Variants in LIN28A observed in about 807,000 individuals in gnomAD.
LIN28A encodes protein lin-28 homolog A.
In LIN28A, 11 loss-of-function variants were observed where a neutral mutation model predicts 21.1. The ratio of observed to expected loss-of-function variants is 0.52; its 90% CI spans 0.33 to 0.86. The LOEUF is 0.86. Among genes scored for constraint, LIN28A ranks in the 40% least tolerant of loss-of-function variants. The pLI is 0.03. For missense variants in LIN28A, 219 were observed against 279.8 expected (o/e 0.78, Z 1.55); for synonymous variants, 111 against 108.7 (o/e 1.02, Z -0.13).
intron 2 of LIN28A, among the ~76,000 whole-genome samples, chr1:26,421,187 T>A (rs764367070): frequency 6.6e-6 from 1 of 152,232 alleles, no homozygotes; most frequent in Non-Finnish European, 1.5e-5. Context: ...TATTTGGTGA[T>A]CTTTCTCAGC....
intron 2 of LIN28A, among the ~76,000 whole-genome samples, chr1:26,418,551 A>AG (rs1553177806): frequency 2.0e-5 from 3 of 151,666 alleles, no homozygotes; most frequent in Non-Finnish European, 2.9e-5. Flanking sequence ...TTAAAAAAAA[A>AG]AAAAAGAAAA....
intron 2 of LIN28A, among the ~76,000 whole-genome samples, chr1:26,418,934 G>A (rs147723536): frequency 6.6e-5 from 10 of 152,282 alleles, no homozygotes; most frequent in Non-Finnish European, 1.0e-4. Context: ...GGAGGGAGAG[G>A]GAGATGCAAG....
intron 2 of LIN28A, among the ~76,000 whole-genome samples, chr1:26,423,041 TC>T (rs950330356): frequency 3.4e-4 from 52 of 152,056 alleles, no homozygotes; most frequent in African/African-American, 1.1e-3. Flanking sequence ...CAAGTGATGC[TC>T]CCACCTCTGC....
At position 26,427,591 on chromosome 1, in the gene LIN28A, T is replaced by G. The variant is rs1044457499; in HGVS notation, c.*1133T>G. The G allele has an allele frequency of 6.6e-6, 1 of 152,122 alleles. No individual in the cohort carries two copies. The highest frequency in any genetic ancestry group is 2.4e-5 in the African/African-American group (1 of 41,344). 9.4% of individuals were successfully genotyped at this position (152,122 alleles called of 1,614,324 possible). A position where few individuals can be genotyped will look rare whatever the true frequency, so the allele number is the denominator to read the frequency against. On this transcript the variant is annotated 3_prime_UTR_variant, in exon 4 of 4. Transcript: ENST00000326279. ...GGCCAGAGAGCAAGCCAAGATTAGG[T>G]GAGGGTTGTCTAATCCTATGGCACA...
In LIN28A at chr1:26,411,923, G is replaced by A. The variant is rs2074962591; in HGVS notation, c.228+341G>A. On this transcript the variant is annotated intron_variant, in intron 2 of 3. Transcript: ENST00000326279. This position sits in a 1 kb window ranked among gnomAD's most constrained non-coding sequence, Gnocchi z 5.4. ...GTGCTTGCCGGTGGGGGGAGGGCGA[G>A]CAGGCCGGCCAGGGAAGCACATGCC... Among the ~76,000 whole-genome samples the A allele has an allele frequency of 6.6e-6, 1 of 152,118 alleles. No individual in the cohort carries two copies. The highest frequency in any genetic ancestry group is 6.5e-5 in the Admixed American group (1 of 15,272).
Position 26,411,259 on chromosome 1 carries a change from C to T in LIN28A, c.32-127C>T. The T allele has an allele frequency of 1.1e-6, 1 of 932,250 alleles. No individual in the cohort carries two copies. The highest frequency in any genetic ancestry group is 2.7e-5 in the East Asian group (1 of 36,690). The allele number at this position is 932,250 out of a possible 1,614,324, so 57.7% of individuals were successfully genotyped here. On this transcript the variant is annotated intron_variant, in intron 1 of 3. Transcript: ENST00000326279. This position sits in a 1 kb window ranked among gnomAD's most constrained non-coding sequence, Gnocchi z 5.4. Reference sequence around the variant, plus strand: ...GGGATAGGTTTCTTCTCTTCTGTTGCTTGGTAGCTGCCCCCTCCTGGCTGT... The same window carrying T: ...GGGATAGGTTTCTTCTCTTCTGTTGTTTGGTAGCTGCCCCCTCCTGGCTGT...
chr1:26,416,880 A>G (rs2074996741), intron 2 of LIN28A, among the ~76,000 whole-genome samples: 1 of 152,132 alleles, frequency 6.6e-6, no homozygotes, highest in African/African-American at 2.4e-5. Flanking sequence ...TCGGCCTCCC[A>G]AAGTGCTGGA....
At chr1:26,420,994 G>C (rs2075025455) in intron 2 of LIN28A, among the ~76,000 whole-genome samples, 1 of 152,028 alleles carries the variant, frequency 6.6e-6, no homozygotes, top group Non-Finnish European at 1.5e-5. Flanking sequence ...CCCTGGCTTT[G>C]CTACAGAACT....
At chr1:26,413,148 C>A (rs1244239813) in intron 2 of LIN28A, among the ~76,000 whole-genome samples, 2 of 152,100 alleles carry the variant, frequency 1.3e-5, no homozygotes, top group Admixed American at 6.5e-5. Flanking sequence ...AGCAGGGTAG[C>A]AAGCCTCCCC....
At chr1:26,421,419 C>T (rs1244328404) in intron 2 of LIN28A, among the ~76,000 whole-genome samples, 1 of 152,172 alleles carries the variant, frequency 6.6e-6, no homozygotes, top group Non-Finnish European at 1.5e-5. Context: ...CAATGAGATA[C>T]TGAGTATATG....
chr1:26,414,151 C>T (rs775120555), intron 2 of LIN28A, among the ~76,000 whole-genome samples: 19 of 151,580 alleles, frequency 1.3e-4, no homozygotes, highest in African/African-American at 1.9e-4. Context: ...AGAAATGACT[C>T]TCTGGAAATC....
At chr1:26,422,281 G>A (rs1191956010) in intron 2 of LIN28A, among the ~76,000 whole-genome samples, 1 of 152,106 alleles carries the variant, frequency 6.6e-6, no homozygotes, top group East Asian at 1.9e-4. Context: ...AAGTGCTGGG[G>A]ATTATAGGCA....
At chr1:26,412,132 T>A (rs1389345912) in intron 2 of LIN28A, among the ~76,000 whole-genome samples, 2 of 152,204 alleles carry the variant, frequency 1.3e-5, no homozygotes, top group African/African-American at 4.8e-5. Flanking sequence ...CCCTGAAGGA[T>A]CCCTGTGGGG....
chr1:26,415,817 A>G (rs2074989899), intron 2 of LIN28A, among the ~76,000 whole-genome samples: 1 of 152,116 alleles, frequency 6.6e-6, no homozygotes, highest in Non-Finnish European at 1.5e-5. Context: ...GAAGCCACGG[A>G]TTTAGTGGTC....
In LIN28A at chr1:26,425,365, T is replaced by C. The variant is rs781740578; in HGVS notation, c.291T>C (p.Phe97=). ...LKEGEAVEFT[F]KKSAKGLESI... is the part of the protein sequence containing the mutation. ...AGGGTGAGGCAGTGGAGTTCACCTT[T>C]AAGAAGTCAGCCAAGGGTCTGGAAT... is the stretch of plus-strand genomic sequence containing the variant. Residue 97 remains phenylalanine, a synonymous_variant, in exon 3 of 4, where the codon TTT becomes TTC. Coordinates refer to ENST00000326279, the MANE Select transcript of LIN28A (RefSeq NM_024674.6). 1.9e-6 allele frequency: 3 copies of C among 1,613,910 alleles called. No homozygotes were observed. The East Asian group carries it at 6.7e-5, about 36-fold the overall frequency.
At position 26,425,427 on chromosome 1, in the gene LIN28A, T is replaced by C. The variant is rs376666103; in HGVS notation, c.353T>C (p.Ile118Thr). The C allele has an allele frequency of 6.2e-6, 10 of 1,614,026 alleles. No individual in the cohort carries two copies. The highest frequency in any genetic ancestry group is 8.5e-6 in the Non-Finnish European group (10 of 1,180,010). Reference protein sequence around the residue: ...RVTGPGGVFCIGSERRPKGKS... With the variant: ...RVTGPGGVFCTGSERRPKGKS... Reference sequence around the variant, plus strand: ...ACCGGACCTGGTGGAGTATTCTGTATTGGGAGTGAGAGGCGGCCAAAAGGA... The same window carrying C: ...ACCGGACCTGGTGGAGTATTCTGTACTGGGAGTGAGAGGCGGCCAAAAGGA... The change falls in exon 3 of 4, where the codon ATT (isoleucine) becomes ACT (threonine). Residue 118 changes from isoleucine to threonine, a missense_variant. Ile to Thr is a moderately conservative substitution (Grantham distance 89, BLOSUM62 -1). Coordinates refer to ENST00000326279, the MANE Select transcript of LIN28A (RefSeq NM_024674.6).
chr1:26,426,304 A>G lies in LIN28A; in HGVS notation c.476A>G (p.Lys159Arg). The G allele has an allele frequency of 1.2e-6, 2 of 1,614,226 alleles. No individual in the cohort carries two copies. The highest frequency in any genetic ancestry group is 1.1e-5 in the South Asian group (1 of 91,088). ...GAATGCAAGCTGCCACCCCAGCCCA[A>G]GAAGTGCCACTTCTGCCAGAGCATC... The part of the protein sequence containing the change: ...AKECKLPPQP[K>R]KCHFCQSISH... Residue 159 changes from lysine to arginine, a missense_variant, in exon 4 of 4, where the codon AAG becomes AGG. Transcript: ENST00000326279.
Position 26,425,173 on chromosome 1 carries a change from G to A in LIN28A, c.229-130G>A. 4 of 853,460 alleles carry A rather than the reference G, an allele frequency of 4.7e-6. No individual in the cohort carries two copies. In the South Asian group the frequency reaches 5.5e-5, roughly 12 times the overall value. 52.9% of individuals were successfully genotyped at this position (853,460 alleles called of 1,614,324 possible). A position where few individuals can be genotyped will look rare whatever the true frequency, so the allele number is the denominator to read the frequency against. On this transcript the variant is annotated intron_variant, in intron 2 of 3. Coordinates refer to ENST00000326279, the MANE Select transcript of LIN28A (RefSeq NM_024674.6). ...GTTCTTAATCGTAGTGACTCTTTGA[G>A]TCAGTTTCCTTACCAGTAAAATAGG... is the stretch of plus-strand genomic sequence containing the variant.
intron 2 of LIN28A, among the ~76,000 whole-genome samples, chr1:26,420,601 C>CAA (rs10643062): frequency 0.63 from 81,126 of 128,810 alleles, 25,439 homozygotes; most frequent in East Asian, 0.87. Flanking sequence ...AAGACTTTCT[C>CAA]AAAAAAAAAA....
Sources: allele counts gnomAD v4.1 joint callset (sites outside exome capture counted in the v4.1 genomes callset), GRCh38; gene constraint gnomAD v4.1.1; non-coding constraint Gnocchi (gnomAD v3.1); transcripts MANE v1.5; gene names NCBI Gene and HGNC (gene_info 2026-07-23, HGNC 2026-07-21).